Variants in EFCAB11 observed in about 807,000 individuals in gnomAD.
EFCAB11 encodes EF-hand calcium-binding domain-containing protein 11.
A neutral mutation model predicts 23.0 loss-of-function variants in EFCAB11; 14 were observed. The ratio of observed to expected loss-of-function variants is 0.61; its 90% CI spans 0.40 to 0.95. EFCAB11 has a LOEUF of 0.95. EFCAB11 is among the 40% of genes least tolerant of loss of function. The pLI is 0.00. For missense variants in EFCAB11, 198 were observed against 195.8 expected (o/e 1.01, Z -0.07); for synonymous variants, 65 against 66.6 (o/e 0.98, Z 0.11).
chr14:89,824,492 T>C (rs1456196845), intron 5 of EFCAB11, among the ~76,000 whole-genome samples: 9 of 151,760 alleles, frequency 5.9e-5, no homozygotes, highest in Admixed American at 5.9e-4. Flanking sequence ...AAATGACAAA[T>C]GAGAGAAATA....
chr14:89,862,714 A>G (rs988581445), intron 5 of EFCAB11, among the ~76,000 whole-genome samples: 1 of 152,222 alleles, frequency 6.6e-6, no homozygotes, highest in Non-Finnish European at 1.5e-5. Flanking sequence ...GTAAAATTTG[A>G]GCATTCACAT....
intron 5 of EFCAB11, among the ~76,000 whole-genome samples, chr14:89,884,335 G>A (rs1888687998): frequency 6.6e-6 from 1 of 152,086 alleles, no homozygotes; most frequent in East Asian, 1.9e-4. Context: ...ATAAAAGTCA[G>A]TATTTATTCA....
chr14:89,836,749 T>C (rs1326155173), intron 5 of EFCAB11: 3 of 439,802 alleles, frequency 6.8e-6, no homozygotes, highest in African/African-American at 2.0e-5. Flanking sequence ...CTGGGCACAG[T>C]GGCTTACACC....
chr14:89,879,166 C>G (rs901645327), intron 5 of EFCAB11, among the ~76,000 whole-genome samples: 2 of 152,002 alleles, frequency 1.3e-5, no homozygotes, highest in African/African-American at 4.8e-5. Flanking sequence ...CTCTGGTGGA[C>G]AAACTCTTAC....
intron 5 of EFCAB11, among the ~76,000 whole-genome samples, chr14:89,801,035 A>C (rs1885760549): frequency 1.0e-5 from 1 of 96,798 alleles, no homozygotes; most frequent in South Asian, 3.0e-4. Flanking sequence ...ATCCCACCTC[A>C]AAAAAGAAAA....
chr14:89,872,013 G>A (rs1374707990), intron 5 of EFCAB11, among the ~76,000 whole-genome samples: 3 of 152,162 alleles, frequency 2.0e-5, no homozygotes, highest in Non-Finnish European at 4.4e-5. Context: ...GGAGAGATGG[G>A]CCCTGAACTA....
chr14:89,880,484 T>C (rs1888566603), intron 5 of EFCAB11, among the ~76,000 whole-genome samples: 1 of 152,210 alleles, frequency 6.6e-6, no homozygotes, highest in Non-Finnish European at 1.5e-5. Flanking sequence ...CAGATGAAGG[T>C]GCTCAAGTTA....
chr14:89,948,304 A>G (rs1891047061), intron 3 of EFCAB11, among the ~76,000 whole-genome samples: 1 of 152,354 alleles, frequency 6.6e-6, no homozygotes. Flanking sequence ...CACAGTTAAA[A>G]TGGCTTTTAT....
At chr14:89,863,781 T>C (rs1054893055) in intron 5 of EFCAB11, among the ~76,000 whole-genome samples, 4 of 152,176 alleles carry the variant, frequency 2.6e-5, no homozygotes, top group Admixed American at 6.5e-5. Context: ...GGATGAAAAA[T>C]TGGCAATGCT....
intron 5 of EFCAB11, among the ~76,000 whole-genome samples, chr14:89,912,685 C>T (rs894670571): frequency 1.3e-5 from 2 of 152,040 alleles, no homozygotes; most frequent in African/African-American, 4.8e-5. Flanking sequence ...TTTCTATGTG[C>T]GACGAAAGAT....
chr14:89,819,471 G>A (rs1178588224), intron 5 of EFCAB11, among the ~76,000 whole-genome samples: 1 of 151,938 alleles, frequency 6.6e-6, no homozygotes, highest in Non-Finnish European at 1.5e-5. Flanking sequence ...CTAGGCTGGA[G>A]TGCAGTTGCA....
intron 3 of EFCAB11, among the ~76,000 whole-genome samples, chr14:89,940,583 A>G (rs1596467678): frequency 6.6e-6 from 1 of 152,314 alleles, no homozygotes; most frequent in African/African-American, 2.4e-5. Flanking sequence ...TGATGAATCA[A>G]TCGCTTTGAT....
intron 5 of EFCAB11, among the ~76,000 whole-genome samples, chr14:89,885,715 AAGAG>A (rs1304336591): frequency 2.0e-5 from 3 of 146,480 alleles, no homozygotes; most frequent in Non-Finnish European, 4.5e-5. Context: ...GAGAGAAAGA[AAGAG>A]AGAGAGAAAG....
At chr14:89,892,217 G>A (rs1888994089) in intron 5 of EFCAB11, 1 of 1,603,630 alleles carries the variant, frequency 6.2e-7, no homozygotes, top group Non-Finnish European at 8.5e-7. Flanking sequence ...AGCCCAGGAG[G>A]CCGAGGAGCT....
chr14:89,809,114 C>T (rs1006787716), intron 5 of EFCAB11, among the ~76,000 whole-genome samples: 1 of 152,208 alleles, frequency 6.6e-6, no homozygotes, highest in Admixed American at 6.5e-5. Context: ...CATTCCCCGA[C>T]CCTGTCCACC....
intron 5 of EFCAB11, among the ~76,000 whole-genome samples, chr14:89,812,564 GGT>G (rs1365921160): frequency 1.3e-5 from 2 of 152,188 alleles, no homozygotes; most frequent in African/African-American, 4.8e-5. Flanking sequence ...GGGGCGGAAA[GGT>G]GTGTCCCTGG....
chr14:89,931,511 G>A, intron 5 of EFCAB11, 30 bp downstream of exon 5: 2 of 1,552,108 alleles, frequency 1.3e-6, no homozygotes, highest in Non-Finnish European at 1.8e-6. Flanking sequence ...AAATCAAAAG[G>A]TGGTGTACAG....
chr14:89,922,332 GAAT>G (rs1890045724), intron 5 of EFCAB11, among the ~76,000 whole-genome samples: 1 of 152,176 alleles, frequency 6.6e-6, no homozygotes, highest in Non-Finnish European at 1.5e-5. Flanking sequence ...GGTGGATTCT[GAAT>G]AATATCTGTG....
intron 5 of EFCAB11, among the ~76,000 whole-genome samples, chr14:89,846,369 C>T (rs773467622): frequency 1.3e-5 from 2 of 152,244 alleles, no homozygotes; most frequent in Middle Eastern, 3.4e-3. Context: ...AGAATGTTTC[C>T]ATCATAATGG....
Sources: allele counts gnomAD v4.1 joint callset (sites outside exome capture counted in the v4.1 genomes callset), GRCh38; gene constraint gnomAD v4.1.1; transcripts MANE v1.5; gene names NCBI Gene and HGNC (gene_info 2026-07-23, HGNC 2026-07-21).